ASIC2: variants seen among roughly 807,000 people sequenced by gnomAD.
ASIC2 encodes the protein acid sensing ion channel subunit 2.
ASIC2 carries 25 observed loss-of-function variants against 57.3 expected under a neutral mutation model. The ratio of observed to expected loss-of-function variants is 0.44; its 90% confidence interval spans 0.32 to 0.61. The LOEUF (loss-of-function observed/expected upper bound fraction) is 0.61, where lower values mean the gene tolerates loss of function less well. Among genes scored for constraint, ASIC2 ranks in the 20% least tolerant of loss-of-function variants. The pLI is 0.06. For missense variants in ASIC2, 641 were observed against 738.1 expected (o/e 0.87, Z 1.52); for synonymous variants, 319 against 307.5 (o/e 1.04, Z -0.39).
chr17:33,503,948 C>T (rs551121107), intron 1 of ASIC2, among the ~76,000 whole-genome samples: 125 of 152,322 alleles, frequency 8.2e-4, no homozygotes, highest in Non-Finnish European at 1.4e-3. Context: ...ATTGCAGACA[C>T]ACCAGCAACA....
chr17:33,114,494 A>T (rs1436217232), intron 1 of ASIC2, among the ~76,000 whole-genome samples: 1 of 152,244 alleles, frequency 6.6e-6, no homozygotes, highest in African/African-American at 2.4e-5. Context: ...ATCTGTATGA[A>T]GGGATTTGCA....
chr17:33,748,207 C>A (rs936274588), intron 1 of ASIC2, among the ~76,000 whole-genome samples: 2 of 152,240 alleles, frequency 1.3e-5, no homozygotes, highest in Non-Finnish European at 2.9e-5. Flanking sequence ...TCCTTAAGCA[C>A]CCGCCTCCTG....
chr17:33,680,140 G>A (rs1907955368), intron 1 of ASIC2, among the ~76,000 whole-genome samples: 2 of 152,124 alleles, frequency 1.3e-5, no homozygotes, highest in Admixed American at 1.3e-4. Flanking sequence ...GGAGCATGCA[G>A]GAGGCTTAAA....
intron 1 of ASIC2, among the ~76,000 whole-genome samples, chr17:34,106,233 T>C (rs1383286203): frequency 2.0e-5 from 3 of 152,172 alleles, no homozygotes; most frequent in African/African-American, 7.2e-5. Flanking sequence ...TCTTCCCTCA[T>C]TGGTGATGTT....
At chr17:33,175,169 C>T (rs1040727663) in intron 1 of ASIC2, among the ~76,000 whole-genome samples, 16 of 152,192 alleles carry the variant, frequency 1.1e-4, no homozygotes, top group African/African-American at 3.1e-4. Context: ...AACATTTCTT[C>T]TTCCACTGCT....
intron 1 of ASIC2, among the ~76,000 whole-genome samples, chr17:33,687,601 A>G (rs1485773900): frequency 2.6e-5 from 4 of 152,168 alleles, no homozygotes; most frequent in African/African-American, 9.7e-5. Context: ...GCCCCAGCCC[A>G]CGCAGCTCTC....
chr17:33,341,860 G>T (rs1364764769), intron 1 of ASIC2, among the ~76,000 whole-genome samples: 1 of 152,134 alleles, frequency 6.6e-6, no homozygotes, highest in Admixed American at 6.5e-5. Flanking sequence ...TTAAGTTGAA[G>T]GTTTGCCCTG....
At chr17:33,849,840 A>G (rs972955146) in intron 1 of ASIC2, among the ~76,000 whole-genome samples, 3 of 152,172 alleles carry the variant, frequency 2.0e-5, no homozygotes, top group Non-Finnish European at 4.4e-5. Context: ...TTTTCAAAGG[A>G]GGAAGCTGAT....
At chr17:33,642,759 AC>A in intron 1 of ASIC2, among the ~76,000 whole-genome samples, 1 of 152,150 alleles carries the variant, frequency 6.6e-6, no homozygotes, top group Non-Finnish European at 1.5e-5. Context: ...TCTGACCAGG[AC>A]CTTATTTTGG....
chr17:34,000,496 A>G (rs2142015031), intron 1 of ASIC2, among the ~76,000 whole-genome samples: 1 of 152,180 alleles, frequency 6.6e-6, no homozygotes, highest in South Asian at 2.1e-4. Flanking sequence ...CAGGTGAACC[A>G]CCCACCTCAG....
intron 1 of ASIC2, among the ~76,000 whole-genome samples, chr17:34,013,339 T>C (rs1406767220): frequency 1.3e-5 from 2 of 152,124 alleles, no homozygotes; most frequent in African/African-American, 4.8e-5. Context: ...ACTAGAATGC[T>C]CCGCCTCCCA....
chr17:34,065,786 A>G (rs1909151437), intron 1 of ASIC2, among the ~76,000 whole-genome samples: 1 of 152,196 alleles, frequency 6.6e-6, no homozygotes, highest in South Asian at 2.1e-4. Flanking sequence ...AAGCTTAAGG[A>G]CAAGAGAAGA....
At chr17:33,207,727 G>A (rs1388224023) in intron 1 of ASIC2, among the ~76,000 whole-genome samples, 1 of 152,164 alleles carries the variant, frequency 6.6e-6, no homozygotes, top group Non-Finnish European at 1.5e-5. Context: ...ACAGCCAAGA[G>A]CCAAGAGCAC....
chr17:33,810,896 C>CACAT (rs746639082), intron 1 of ASIC2, among the ~76,000 whole-genome samples: 11 of 150,566 alleles, frequency 7.3e-5, no homozygotes, highest in African/African-American at 2.5e-4. Context: ...CACACACACA[C>CACAT]GTGCATTCAC....
intron 1 of ASIC2, among the ~76,000 whole-genome samples, chr17:33,274,475 CAGCAAGTACAAATAATTGAT>C (rs1206196642): frequency 1.3e-5 from 2 of 152,296 alleles, no homozygotes; most frequent in East Asian, 1.9e-4. Context: ...ACAAATAATC[CAGCAAGTACAAATAATTGAT>C]AGCAAAAATC....
At chr17:34,007,680 C>T (rs930807503) in intron 1 of ASIC2, among the ~76,000 whole-genome samples, 9 of 152,194 alleles carry the variant, frequency 5.9e-5, no homozygotes, top group African/African-American at 2.2e-4. Context: ...GCATTCTGTG[C>T]CACCTCTCCT....
At chr17:33,336,830 G>C (rs1274805517) in intron 1 of ASIC2, among the ~76,000 whole-genome samples, 1 of 152,136 alleles carries the variant, frequency 6.6e-6, no homozygotes, top group Non-Finnish European at 1.5e-5. Flanking sequence ...AGGGGGCGGG[G>C]CTTCTGTTAA....
intron 1 of ASIC2, chr17:34,001,521 C>T (rs1906338827): frequency 6.6e-6 from 1 of 152,594 alleles, no homozygotes; most frequent in African/African-American, 2.4e-5. Flanking sequence ...TGGAGATGCA[C>T]CTGGAGTCTG....
At chr17:33,814,593 T>C (rs1468179876) in intron 1 of ASIC2, among the ~76,000 whole-genome samples, 3 of 152,212 alleles carry the variant, frequency 2.0e-5, no homozygotes, top group Admixed American at 2.0e-4. Flanking sequence ...TGCTTCTACA[T>C]TGGGTGTACA....
Sources: gnomAD v4.1 joint callset for allele counts (sites outside exome capture counted in the v4.1 genomes callset) on GRCh38, gnomAD v4.1.1 for gene constraint, MANE v1.5 for transcripts, NCBI Gene and HGNC (gene_info 2026-07-23, HGNC 2026-07-21) for gene names.